TMCO5A: variants seen among roughly 807,000 people sequenced by gnomAD.
TMCO5A encodes transmembrane and coiled-coil domains 5A.
TMCO5A carries 34 observed loss-of-function variants against 42.3 expected under a neutral mutation model. That is an observed-to-expected ratio of 0.80 (90% CI 0.61 to 1.07). The LOEUF (loss-of-function observed/expected upper bound fraction) is 1.07, where lower values mean the gene tolerates loss of function less well. Ranked by LOEUF, TMCO5A falls within the 50% of genes least tolerant of loss-of-function variation. The pLI is 0.00. For missense variants in TMCO5A, 357 were observed against 327.9 expected (o/e 1.09, Z -0.69); for synonymous variants, 131 against 115.6 (o/e 1.13, Z -0.86).
the TMCO5A span, among the ~76,000 whole-genome samples, chr15:38,029,181 G>A: frequency 6.6e-6 from 1 of 152,114 alleles, no homozygotes; most frequent in African/African-American, 2.4e-5. Context: ...AGAGGCATAT[G>A]GGAAGTTATT....
chr15:37,986,818 A>G, the TMCO5A span, among the ~76,000 whole-genome samples: 1 of 152,034 alleles, frequency 6.6e-6, no homozygotes, highest in Non-Finnish European at 1.5e-5. Context: ...GTTAATGGAC[A>G]CTTATGTTGC....
chr15:37,949,794 G>C (rs1890095865), intron 11 of TMCO5A, among the ~76,000 whole-genome samples: 1 of 151,976 alleles, frequency 6.6e-6, no homozygotes, highest in Admixed American at 6.6e-5. Context: ...TGACTTCAAA[G>C]AACAAACATT....
At chr15:37,946,649 T>G (rs1406884842) in intron 10 of TMCO5A, among the ~76,000 whole-genome samples, 1 of 152,132 alleles carries the variant, frequency 6.6e-6, no homozygotes. Context: ...CATTCATGAT[T>G]TGGCTCTCTG....
intron 11 of TMCO5A, among the ~76,000 whole-genome samples, chr15:37,963,031 G>C (rs1353157053): frequency 1.3e-5 from 2 of 151,628 alleles, no homozygotes; most frequent in Non-Finnish European, 2.9e-5. Context: ...TTTTGTTGTT[G>C]TTGTTTGTTT....
chr15:37,988,179 A>G, the TMCO5A span, among the ~76,000 whole-genome samples: 1 of 151,848 alleles, frequency 6.6e-6, no homozygotes, highest in Non-Finnish European at 1.5e-5. Context: ...AATGCAAGTG[A>G]TTTTTGTTTA....
chr15:37,984,803 A>C, the TMCO5A span: 1 of 148,304 alleles, frequency 6.7e-6, no homozygotes, highest in Non-Finnish European at 1.5e-5. Flanking sequence ...ATCTGCCAGC[A>C]CATTGATCTT....
the TMCO5A span, among the ~76,000 whole-genome samples, chr15:38,027,509 C>T: frequency 7.2e-5 from 11 of 152,204 alleles, no homozygotes; most frequent in Non-Finnish European, 1.3e-4. Context: ...GTGGAAGAGA[C>T]ATGCTTTATC....
At chr15:38,024,098 C>A in the TMCO5A span, among the ~76,000 whole-genome samples, 5 of 152,220 alleles carry the variant, frequency 3.3e-5, no homozygotes, top group Non-Finnish European at 7.3e-5. Context: ...TTCTGCTTTC[C>A]AAGCTTGGGC....
the TMCO5A span, among the ~76,000 whole-genome samples, chr15:37,974,918 C>T: frequency 3.9e-5 from 6 of 152,136 alleles, no homozygotes; most frequent in South Asian, 1.2e-3. Context: ...TAGCTGTGTC[C>T]TAGAGATTCT....
rs367696225 is a variant in TMCO5A, at chr15:37,941,148, G to A, written c.388-1G>A. The A allele has an allele frequency of 1.5e-5, 24 of 1,612,960 alleles. No individual in the cohort carries two copies. Among genetic ancestry groups the A allele is most frequent in the Non-Finnish European group, 2.0e-5 (24 of 1,179,488 alleles). ...TTAGCAGTCTCTTTTGCTTTCTTTA[G>A]GTTAAGTTACAACAGCTGGAAGCTT... On this transcript the variant is annotated splice_acceptor_variant, in intron 6 of 11. Coordinates refer to ENST00000319669, the MANE Select transcript of TMCO5A (RefSeq NM_152453.4). LOFTEE classifies it high-confidence loss of function.
At chr15:38,013,731 T>C in the TMCO5A span, among the ~76,000 whole-genome samples, 3 of 152,234 alleles carry the variant, frequency 2.0e-5, no homozygotes, top group African/African-American at 7.2e-5. Flanking sequence ...TTCTATTTTA[T>C]TTTTCCTGAT....
At chr15:37,952,754 C>T (rs1024968745), downstream of TMCO5A, among the ~76,000 whole-genome samples, 1 of 152,182 alleles carries the variant, frequency 6.6e-6, no homozygotes, top group African/African-American at 2.4e-5. Flanking sequence ...CAGAGTGAGC[C>T]CTTGGGTTCC....
intron 11 of TMCO5A, among the ~76,000 whole-genome samples, chr15:37,965,956 C>T (rs1890546156): frequency 6.6e-6 from 1 of 152,162 alleles, no homozygotes; most frequent in African/African-American, 2.4e-5. Flanking sequence ...TCTACACTTT[C>T]ATGTTCATTG....
At chr15:38,004,404 T>C in the TMCO5A span, among the ~76,000 whole-genome samples, 1 of 152,130 alleles carries the variant, frequency 6.6e-6, no homozygotes, top group Non-Finnish European at 1.5e-5. Context: ...TCTGGTCATG[T>C]GTGCCCCAAG....
chr15:37,979,541 C>T, the TMCO5A span, among the ~76,000 whole-genome samples: 1 of 152,280 alleles, frequency 6.6e-6, no homozygotes, highest in East Asian at 1.9e-4. Context: ...GGGTTTAGAA[C>T]CTGCCTGAGC....
downstream of TMCO5A, among the ~76,000 whole-genome samples, chr15:37,953,848 T>A (rs1237519973): frequency 6.6e-6 from 1 of 151,624 alleles, no homozygotes. Context: ...ATCAGAAAAA[T>A]TTAACAAAGA....
At chr15:38,027,866 T>C in the TMCO5A span, among the ~76,000 whole-genome samples, 2 of 152,148 alleles carry the variant, frequency 1.3e-5, no homozygotes, top group Non-Finnish European at 2.9e-5. Context: ...CCTACTGCCA[T>C]GTAAGACGTG....
At chr15:38,034,705 T>A in the TMCO5A span, among the ~76,000 whole-genome samples, 193 of 152,256 alleles carry the variant, frequency 1.3e-3, no homozygotes, top group Non-Finnish European at 2.2e-3. Context: ...AAGTTCCAAC[T>A]TCTTTAAGCC....
chr15:37,966,115 A>G (rs1204145515), intron 11 of TMCO5A, among the ~76,000 whole-genome samples: 1 of 152,194 alleles, frequency 6.6e-6, no homozygotes, highest in Admixed American at 6.5e-5. Context: ...TTGGAACTGG[A>G]GGCCATTATG....
Sources: allele counts gnomAD v4.1 joint callset (sites outside exome capture counted in the v4.1 genomes callset), GRCh38; gene constraint gnomAD v4.1.1; transcripts MANE v1.5; gene names NCBI Gene and HGNC (gene_info 2026-07-23, HGNC 2026-07-21).